The following DYSF variants were observed in gnomAD, a reference collection of about 807,000 sequenced individuals.
The protein encoded by DYSF is dysferlin, also known as dystrophy-associated fer-1-like 1.
A neutral mutation model predicts 274.9 loss-of-function variants in DYSF; 212 were observed. That is an observed-to-expected ratio of 0.77 (90% CI 0.69 to 0.86). The LOEUF (loss-of-function observed/expected upper bound fraction) is 0.86, where lower values mean the gene tolerates loss of function less well. DYSF is among the 40% of genes least tolerant of loss of function. DYSF has a pLI of 0.00. For missense variants in DYSF, 2,666 were observed against 2,783.2 expected (o/e 0.96, Z 0.95); for synonymous variants, 1,091 against 1,078.7 (o/e 1.01, Z -0.22).
intron 47 of DYSF, 25 bp downstream of exon 47, chr2:71,665,329 C>T: frequency 6.2e-7 from 1 of 1,613,982 alleles, no homozygotes; most frequent in Non-Finnish European, 8.5e-7. Context: ...GACCCCAAAC[C>T]ATGGTGGGCT....
At chr2:71,514,293 C>T (rs749188049) in intron 7 of DYSF, among the ~76,000 whole-genome samples, 11 of 152,288 alleles carry the variant, frequency 7.2e-5, no homozygotes, top group South Asian at 6.2e-4. Context: ...CAGCACCTTC[C>T]GCATCACCTG....
At chr2:71,597,481 T>C (rs1023367153) in intron 32 of DYSF, among the ~76,000 whole-genome samples, 6 of 152,142 alleles carry the variant, frequency 3.9e-5, no homozygotes, top group Non-Finnish European at 5.9e-5. Flanking sequence ...AGCATGAGCA[T>C]CACTTTTAGG....
chr2:71,502,696 C>T (rs1020054068), intron 3 of DYSF, among the ~76,000 whole-genome samples: 2 of 152,204 alleles, frequency 1.3e-5, no homozygotes, highest in African/African-American at 2.4e-5. Context: ...GCCTGTTTCC[C>T]CTGCCCCAAT....
upstream of DYSF, chr2:71,466,685 C>T: frequency 7.3e-7 from 1 of 1,372,280 alleles, no homozygotes; most frequent in East Asian, 2.8e-5. Flanking sequence ...TGCAGCCTCT[C>T]CCAGGCATTG....
chr2:71,537,446 A>G (rs890126354), intron 16 of DYSF, among the ~76,000 whole-genome samples: 1 of 151,882 alleles, frequency 6.6e-6, no homozygotes, highest in African/African-American at 2.4e-5. Context: ...GGGCTTCATC[A>G]TGTTGGCCAG....
intron 4 of DYSF, among the ~76,000 whole-genome samples, chr2:71,505,953 G>A (rs185736592): frequency 6.6e-6 from 1 of 152,310 alleles, no homozygotes; most frequent in East Asian, 1.9e-4. Context: ...TGCTCAGTGA[G>A]TCCCTGAGCT....
chr2:71,467,346 ATTCATTCATTCAT>A (rs1176294188), intron 1 of DYSF, among the ~76,000 whole-genome samples: 1 of 152,054 alleles, frequency 6.6e-6, no homozygotes, highest in Non-Finnish European at 1.5e-5. Context: ...TTTTTCATTC[ATTCATTCATTCAT>A]TCACCCATCT....
At chr2:71,603,481 C>T (rs2093590550) in intron 36 of DYSF, among the ~76,000 whole-genome samples, 3 of 152,246 alleles carry the variant, frequency 2.0e-5, no homozygotes, top group Non-Finnish European at 2.9e-5. Flanking sequence ...TCAGATGAGG[C>T]GTTGGGAAAA....
At chr2:71,500,150 C>T (rs958177209) in intron 3 of DYSF, among the ~76,000 whole-genome samples, 2 of 152,162 alleles carry the variant, frequency 1.3e-5, no homozygotes, top group African/African-American at 4.8e-5. Flanking sequence ...TCCTCCATCC[C>T]TGTGAAATGA....
At chr2:71,514,597 A>G (rs2086461435) in intron 7 of DYSF, among the ~76,000 whole-genome samples, 1 of 152,046 alleles carries the variant, frequency 6.6e-6, no homozygotes, top group African/African-American at 2.4e-5. Context: ...TTCTTTTCAA[A>G]AGAATTTTCT....
intron 19 of DYSF, among the ~76,000 whole-genome samples, chr2:71,552,226 T>C (rs2091000191): frequency 6.6e-6 from 1 of 152,264 alleles, no homozygotes; most frequent in South Asian, 2.1e-4. Flanking sequence ...GTCTGTGTGG[T>C]GCTTTAAGCT....
chr2:71,654,737 A>G (rs2094735757), intron 42 of DYSF, among the ~76,000 whole-genome samples: 1 of 152,110 alleles, frequency 6.6e-6, no homozygotes, highest in Non-Finnish European at 1.5e-5. Context: ...TTATAGAAGT[A>G]TATTTTTTGA....
At chr2:71,482,545 G>A (rs1440560505) in intron 3 of DYSF, among the ~76,000 whole-genome samples, 1 of 152,112 alleles carries the variant, frequency 6.6e-6, no homozygotes, top group Non-Finnish European at 1.5e-5. Flanking sequence ...GGGTTTCTTG[G>A]TGGGGGGATC....
chr2:71,672,678 C>T (rs931846454), intron 51 of DYSF, among the ~76,000 whole-genome samples: 3 of 152,182 alleles, frequency 2.0e-5, no homozygotes, highest in South Asian at 2.1e-4. Context: ...CACCAGGGGC[C>T]GTTTGAACCT....
At chr2:71,618,567 T>TGTGTGTGGGGTAGAG (rs2093995870) in intron 40 of DYSF, among the ~76,000 whole-genome samples, 1 of 14,960 alleles carries the variant, frequency 6.7e-5, no homozygotes, top group African/African-American at 3.0e-4. Flanking sequence ...GGAGTGTGTG[T>TGTGTGTGGGGTAGAG]TTGTGTGGGG....
intron 41 of DYSF, among the ~76,000 whole-genome samples, chr2:71,632,437 C>A (rs771160147): frequency 9.9e-5 from 15 of 152,192 alleles, no homozygotes; most frequent in Non-Finnish European, 1.3e-4. Context: ...CCCCCCAAAT[C>A]CTCTTAAAAT....
intron 55 of DYSF, among the ~76,000 whole-genome samples, chr2:71,683,773 G>T (rs1276508501): frequency 6.6e-6 from 1 of 152,212 alleles, no homozygotes; most frequent in Non-Finnish European, 1.5e-5. Flanking sequence ...GGCTGCTTGG[G>T]GAACTGCCCC....
rs147243577 is a variant in DYSF, at chr2:71,479,089, C to A, written c.92-1794C>A. Among the ~76,000 whole-genome samples, 439 of 151,802 alleles carry A rather than the reference C, an allele frequency of 2.9e-3. 4 individuals are homozygous for A. The highest frequency in any genetic ancestry group is 9.9e-3 in the African/African-American group (411 of 41,350). On this transcript the variant is annotated intron_variant, in intron 1 of 55. Coordinates refer to ENST00000410020, the MANE Select transcript of DYSF (RefSeq NM_001130987.2). ...CAGGCAGGACTCTCTGAAAGCTGAG[C>A]CATCCAGGTGGAGACCAAAGGCTTT...
At chr2:71,501,501 T>G (rs2084968141) in intron 3 of DYSF, among the ~76,000 whole-genome samples, 1 of 152,224 alleles carries the variant, frequency 6.6e-6, no homozygotes. Flanking sequence ...TGTCATGCAG[T>G]CATTCCCACC....
Sources: gnomAD v4.1 joint callset for allele counts (sites outside exome capture counted in the v4.1 genomes callset) on GRCh38, gnomAD v4.1.1 for gene constraint, MANE v1.5 for transcripts, NCBI Gene and HGNC (gene_info 2026-07-23, HGNC 2026-07-21) for gene names.